Variants in PTPRN2 observed in about 807,000 individuals in gnomAD.
PTPRN2 encodes receptor-type tyrosine-protein phosphatase N2.
Under a neutral mutation model 118.8 loss-of-function variants are expected in PTPRN2, and 74 were observed. The ratio of observed to expected loss-of-function variants is 0.62; its 90% CI spans 0.52 to 0.76. The LOEUF (loss-of-function observed/expected upper bound fraction) is 0.76, where lower values mean the gene tolerates loss of function less well. Among genes scored for constraint, PTPRN2 ranks in the 30% least tolerant of loss-of-function variants. The pLI is 0.00. For synonymous variants in PTPRN2, 641 were observed against 608.0 expected (o/e 1.05, Z -0.80); for missense variants, 1,481 against 1,394.4 (o/e 1.06, Z -0.99).
intron 14 of PTPRN2, 133 bp downstream of exon 14, chr7:157,656,224 T>A (rs1806075840): frequency 4.5e-6 from 4 of 881,792 alleles, no homozygotes; most frequent in Non-Finnish European, 3.4e-6. Flanking sequence ...CCTGTCAGCC[T>A]CTGCAGCGGG....
At chr7:158,441,310 TGATGGCAATGAA>T (rs1554503401) in intron 2 of PTPRN2, among the ~76,000 whole-genome samples, 1 of 111,774 alleles carries the variant, frequency 8.9e-6, no homozygotes, top group Non-Finnish European at 2.1e-5. Context: ...ATAGTAATGG[TGATGGCAATGAA>T]GGTGATGGTG....
rs1295001817 is a variant in PTPRN2 at position 157,881,320 on chromosome 7, CCATGTGACTGG to C, written c.1788+17342_1788+17352del. On this transcript the variant is annotated intron_variant, in intron 12 of 22. Transcript: ENST00000389418. This position sits in a 1 kb window ranked among gnomAD's most constrained non-coding sequence, Gnocchi z 4.7. ...TGTGGTCATCAGGGTGAGCCTGATCCCATGTGACTGGCATCCTTGTAGGAAGGAGATGCAGA... is the reference window on the plus strand; with the variant it reads ...TGTGGTCATCAGGGTGAGCCTGATCCCATCCTTGTAGGAAGGAGATGCAGA... Among the ~76,000 whole-genome samples, 1 of 145,214 alleles carries C rather than the reference CCATGTGACTGG, an allele frequency of 6.9e-6. No homozygotes were observed. Among genetic ancestry groups the C allele is most frequent in the Non-Finnish European group, 1.5e-5 (1 of 66,636 alleles).
intron 3 of PTPRN2, among the ~76,000 whole-genome samples, chr7:158,306,739 T>A (rs1801315591): frequency 6.6e-6 from 1 of 152,220 alleles, no homozygotes; most frequent in South Asian, 2.1e-4. Flanking sequence ...TACTAAAAAT[T>A]TTTGAGGCAT....
intron 12 of PTPRN2, among the ~76,000 whole-genome samples, chr7:157,687,994 G>C (rs1303981125): frequency 6.6e-6 from 1 of 152,158 alleles, no homozygotes; most frequent in Non-Finnish European, 1.5e-5. Flanking sequence ...GAGGCACTGC[G>C]GTCTGAATTC....
intron 3 of PTPRN2, among the ~76,000 whole-genome samples, chr7:158,268,526 T>C (rs1798050639): frequency 8.5e-6 from 1 of 117,230 alleles, no homozygotes; most frequent in South Asian, 2.9e-4. Context: ...GTGTGAAATA[T>C]CCCAGCCACA....
chr7:157,762,981 C>G (rs1015571008), intron 12 of PTPRN2, among the ~76,000 whole-genome samples: 2 of 151,796 alleles, frequency 1.3e-5, no homozygotes, highest in Non-Finnish European at 1.5e-5. Context: ...CGCCCACTCA[C>G]GGTCGGTCAC....
rs1586993445 is a variant in PTPRN2, at chr7:158,587,579, G to A, written c.91C>T (p.Arg31Trp). ...PAAPSSVPRG[R>W]QLPGRLGCLL... Reference sequence around the variant, plus strand: ...TCACCCAGACGCCCCGGGAGCTGCCGGCCGCGGGGGACGGACGAAGGGGCG... The same window carrying A: ...TCACCCAGACGCCCCGGGAGCTGCCAGCCGCGGGGGACGGACGAAGGGGCG... Residue 31 changes from arginine to tryptophan, a missense_variant, in exon 1 of 23, where the codon CGG becomes TGG. Arg to Trp is a moderately radical substitution (Grantham distance 101). Coordinates refer to ENST00000389418, the MANE Select transcript of PTPRN2 (RefSeq NM_002847.5). 1 of 1,333,208 alleles carries A rather than the reference G, an allele frequency of 7.5e-7. No individual in the cohort carries two copies. Among genetic ancestry groups the A allele is most frequent in the Non-Finnish European group, 9.5e-7 (1 of 1,047,414 alleles). 82.6% of individuals were successfully genotyped at this position (1,333,208 alleles called of 1,614,324 possible).
intron 2 of PTPRN2, among the ~76,000 whole-genome samples, chr7:158,447,630 C>T (rs549981206): frequency 8.4e-4 from 128 of 152,362 alleles, no homozygotes; most frequent in African/African-American, 2.6e-3. Context: ...GCCACCTGCA[C>T]GGGTACCCGG....
At chr7:158,537,228 G>T (rs202108110) in intron 1 of PTPRN2, among the ~76,000 whole-genome samples, 1 of 91,106 alleles carries the variant, frequency 1.1e-5, no homozygotes, top group East Asian at 5.8e-4. Context: ...CAGCATATTT[G>T]TTATAGCATC....
At chr7:157,939,878 C>T (rs1384470992) in intron 11 of PTPRN2, among the ~76,000 whole-genome samples, 2 of 152,142 alleles carry the variant, frequency 1.3e-5, no homozygotes, top group East Asian at 3.9e-4. Context: ...GCCTGTGAGA[C>T]CTCAGCACAG....
At chr7:158,392,133 T>C (rs1458820040) in intron 2 of PTPRN2, among the ~76,000 whole-genome samples, 1 of 152,088 alleles carries the variant, frequency 6.6e-6, no homozygotes, top group African/African-American at 2.4e-5. Context: ...GGCTGGGGCT[T>C]CCGTGGGGAG....
chr7:158,357,697 G>A (rs1022445711), intron 2 of PTPRN2, among the ~76,000 whole-genome samples: 5 of 152,236 alleles, frequency 3.3e-5, no homozygotes, highest in African/African-American at 4.8e-5. Flanking sequence ...CCAAGCAACC[G>A]GGACCCAGCT....
intron 12 of PTPRN2, among the ~76,000 whole-genome samples, chr7:157,840,317 G>A (rs560863960): frequency 2.1e-5 from 3 of 144,492 alleles, no homozygotes; most frequent in East Asian, 4.1e-4. Context: ...GTGGCCACGT[G>A]TGACTGTGTG....
chr7:157,788,726 G>A (rs774691031), intron 12 of PTPRN2, among the ~76,000 whole-genome samples: 37 of 152,148 alleles, frequency 2.4e-4, no homozygotes, highest in Non-Finnish European at 5.0e-4. Flanking sequence ...GGAGGCCTCC[G>A]GGGCCACCCC....
chr7:158,071,415 C>CTGGTGGTGGAGGTGCTCG (rs1305955545), intron 11 of PTPRN2, among the ~76,000 whole-genome samples: 5 of 11,516 alleles, frequency 4.3e-4, no homozygotes, highest in African/African-American at 3.3e-4. Flanking sequence ...GGAGTTGCTC[C>CTGGTGGTGGAGGTGCTCG]TGGTGGTGGA....
rs531920682 is a variant in PTPRN2 at position 157,953,124 on chromosome 7, G to A, written c.1724-54387C>T. On this transcript the variant is annotated intron_variant, in intron 11 of 22. Transcript: ENST00000389418. The surrounding 1 kb of genome is among the most constrained non-coding windows in gnomAD (Gnocchi z 4.6). ...ACCCACGGGGTGAGCCCTCTGGCTC[G>A]AGAAGTCCTCAGCGACATCTGGGGG... 1.4e-4 allele frequency among the ~76,000 whole-genome samples: 21 copies of A among 152,356 alleles called. No homozygotes were observed. Among genetic ancestry groups the A allele is most frequent in the Middle Eastern group, 3.4e-3 (1 of 294 alleles).
At chr7:158,415,102 TACAACCAGCTACTTCTCTGATGATACAA>T (rs1252311803) in intron 2 of PTPRN2, among the ~76,000 whole-genome samples, 2 of 150,604 alleles carry the variant, frequency 1.3e-5, no homozygotes, top group Non-Finnish European at 3.0e-5. Context: ...TCTCTGATGA[TACAACCAGCTACTTCTCTGATGATACAA>T]ACAGCTAATT....
At chr7:157,922,971 A>G (rs1332409506) in intron 11 of PTPRN2, among the ~76,000 whole-genome samples, 1 of 152,224 alleles carries the variant, frequency 6.6e-6, no homozygotes, top group African/African-American at 2.4e-5. Context: ...TACCACTGGC[A>G]GCTAAAAACA....
At chr7:157,637,458 C>T (rs145441770) in intron 14 of PTPRN2, among the ~76,000 whole-genome samples, 349 of 152,288 alleles carry the variant, frequency 2.3e-3, no homozygotes, top group African/African-American at 7.9e-3. Context: ...CACCAGCCTC[C>T]AGCAGCCTGG....
Sources: gnomAD v4.1 joint callset for allele counts (sites outside exome capture counted in the v4.1 genomes callset) on GRCh38, gnomAD v4.1.1 for gene constraint, Gnocchi (gnomAD v3.1) non-coding constraint, MANE v1.5 for transcripts, NCBI Gene and HGNC (gene_info 2026-07-23, HGNC 2026-07-21) for gene names.